The following FAM216A variants were observed in gnomAD, a reference collection of about 807,000 sequenced individuals.
FAM216A encodes the protein protein FAM216A.
A neutral mutation model predicts 37.6 loss-of-function variants in FAM216A; 26 were observed. The observed-to-expected ratio is 0.69, with a 90% CI of 0.51 to 0.96. The LOEUF (loss-of-function observed/expected upper bound fraction) is 0.96, where lower values mean the gene tolerates loss of function less well. FAM216A is among the 40% of genes least tolerant of loss of function. The probability of loss-of-function intolerance (pLI) is 0.00; values close to 1 mark genes in which losing one functional copy is unlikely to be tolerated. For synonymous variants in FAM216A, 110 were observed against 121.7 expected (o/e 0.90, Z 0.64); for missense variants, 326 against 339.3 (o/e 0.96, Z 0.31).
chr12:110,487,836 A>C, intron 5 of FAM216A, 25 bp from the exon 6 acceptor site: 1 of 1,430,888 alleles, frequency 7.0e-7, no homozygotes, highest in South Asian at 1.2e-5. Context: ...GCTGGCTCCA[A>C]CTAAGATACT....
intron 2 of FAM216A, among the ~76,000 whole-genome samples, chr12:110,484,792 G>A (rs1171150243): frequency 1.3e-5 from 2 of 148,180 alleles, no homozygotes; most frequent in Admixed American, 6.8e-5. Flanking sequence ...TCACTCTTTC[G>A]CCCAGGCTGG....
At chr12:110,486,822 T>TAC in intron 5 of FAM216A, 105 bp downstream of exon 5, 1 of 1,010,874 alleles carries the variant, frequency 9.9e-7, no homozygotes, top group Non-Finnish European at 1.5e-6. Flanking sequence ...AGTGGTGTGA[T>TAC]ACAGTTTACT....
At chr12:110,488,434 A>C (rs1304982817) in intron 6 of FAM216A, among the ~76,000 whole-genome samples, 2 of 151,570 alleles carry the variant, frequency 1.3e-5, no homozygotes, top group Non-Finnish European at 2.9e-5. Flanking sequence ...AAAAGAAAAG[A>C]AAAGAAAAAA....
At position 110,486,334 on chromosome 12, in the gene FAM216A, C is replaced by G. The variant is rs2062776144; in HGVS notation, c.316C>G (p.Leu106Val). ...TTATTCTGTCTTTTAGCATCCAGAC[C>G]TCACCACAGGCCAGAAGCGTTACCT... ...MEASFFKHPD[L>V]TTGQKRYLCS... Residue 106 changes from leucine (L) to valine (V), a missense_variant, in exon 4 of 7, where the codon CTC becomes GTC. By Grantham distance (32) the Leu-to-Val change is conservative (BLOSUM62 1). Coordinates refer to ENST00000377673, the MANE Select transcript of FAM216A (RefSeq NM_013300.3). 3 of 1,607,670 alleles carry G rather than the reference C, an allele frequency of 1.9e-6. No individual in the cohort carries two copies. The African/African-American group carries it at 4.0e-5, about 22-fold the overall frequency.
At chr12:110,488,690 A>G (rs1020638587) in intron 6 of FAM216A, among the ~76,000 whole-genome samples, 1 of 152,160 alleles carries the variant, frequency 6.6e-6, no homozygotes, top group Non-Finnish European at 1.5e-5. Context: ...TCCATGGGGA[A>G]TATGTTCCAA....
chr12:110,468,797 C>T (rs1244939620), upstream of FAM216A: 24 of 1,455,558 alleles, frequency 1.6e-5, no homozygotes, highest in Admixed American at 2.4e-5. Flanking sequence ...CGAACGGCTT[C>T]GGAGGGGCGA....
intron 2 of FAM216A, among the ~76,000 whole-genome samples, chr12:110,481,719 A>C (rs1401813587): frequency 1.3e-5 from 2 of 152,154 alleles, no homozygotes; most frequent in East Asian, 3.8e-4. Context: ...AGCTATTGAG[A>C]AATTAAGTGT....
At chr12:110,478,037 T>G (rs1229205534) in intron 2 of FAM216A, among the ~76,000 whole-genome samples, 3 of 152,190 alleles carry the variant, frequency 2.0e-5, no homozygotes, top group Non-Finnish European at 4.4e-5. Flanking sequence ...CATCATTGAT[T>G]CTACATTTTT....
At chr12:110,468,760 C>T, upstream of FAM216A, 2 of 1,479,246 alleles carry the variant, frequency 1.4e-6, no homozygotes, top group African/African-American at 2.8e-5. Context: ...GCCCGCCCCG[C>T]TCTCCCGAAG....
chr12:110,469,795 C>A (rs1005959438), intron 1 of FAM216A, among the ~76,000 whole-genome samples: 1 of 152,150 alleles, frequency 6.6e-6, no homozygotes. Context: ...CGGGGTGAAC[C>A]ATTGCGCCCG....
At chr12:110,478,288 G>C (rs2062726095) in intron 2 of FAM216A, among the ~76,000 whole-genome samples, 1 of 152,044 alleles carries the variant, frequency 6.6e-6, no homozygotes, top group Non-Finnish European at 1.5e-5. Flanking sequence ...AGCACAAAAC[G>C]TTGTACTGTC....
Position 110,490,193 on chromosome 12 carries a change from T to A in FAM216A, c.*56T>A. ...AAAGGTGAGGGTAAGGGGTTGTGAG[T>A]TGTGTCCTGTATGTTTAGGATGGTA... On this transcript the variant is annotated 3_prime_UTR_variant, in exon 7 of 7. Coordinates refer to ENST00000377673, the MANE Select transcript of FAM216A (RefSeq NM_013300.3). 1.2e-6 allele frequency: 1 copy of A among 857,850 alleles called. No homozygotes were observed. Among genetic ancestry groups the A allele is most frequent in the South Asian group, 1.3e-5 (1 of 74,992 alleles). The allele number at this position is 857,850 out of a possible 1,614,324, so 53.1% of individuals were successfully genotyped here. A position where few individuals can be genotyped will look rare whatever the true frequency, so the allele number is the denominator to read the frequency against.
At chr12:110,471,976 A>G (rs1267804249) in intron 1 of FAM216A, among the ~76,000 whole-genome samples, 2 of 152,200 alleles carry the variant, frequency 1.3e-5, no homozygotes, top group African/African-American at 4.8e-5. Flanking sequence ...TCACACCTGT[A>G]ATCCCAGCAC....
intron 2 of FAM216A, among the ~76,000 whole-genome samples, chr12:110,477,388 T>C (rs1196964657): frequency 6.6e-6 from 1 of 152,244 alleles, no homozygotes; most frequent in Non-Finnish European, 1.5e-5. Context: ...AGTCTCGCAC[T>C]GTCTCCTAGG....
At chr12:110,484,426 CAAAAAAAAA>C (rs61648841) in intron 2 of FAM216A, among the ~76,000 whole-genome samples, 8 of 51,258 alleles carry the variant, frequency 1.6e-4, no homozygotes, top group South Asian at 2.3e-3. Context: ...GACTCCGTCT[CAAAAAAAAA>C]AAAAAAAAAA....
At chr12:110,481,999 A>C (rs766013466) in intron 2 of FAM216A, among the ~76,000 whole-genome samples, 32 of 152,208 alleles carry the variant, frequency 2.1e-4, no homozygotes, top group Middle Eastern at 3.2e-3. Context: ...GAAATAACTA[A>C]ATTTAAAGTT....
At chr12:110,485,892 AAC>A (rs1440072588) in intron 3 of FAM216A, among the ~76,000 whole-genome samples, 7 of 152,328 alleles carry the variant, frequency 4.6e-5, no homozygotes, top group South Asian at 2.1e-4. Context: ...CAGAATGTCC[AAC>A]ACAGTCAGTT....
intron 1 of FAM216A, among the ~76,000 whole-genome samples, chr12:110,470,336 G>A (rs2062677537): frequency 1.3e-5 from 2 of 151,956 alleles, no homozygotes. Flanking sequence ...CTGACCTCGT[G>A]ATCCGCCCGC....
At position 110,485,018 on chromosome 12, in the gene FAM216A, T is replaced by A; in HGVS notation, c.185-60T>A. ...CCCGGCCTAAATATCTAGATCTTAA[T>A]AATTCAGTTTGTTGAACTGATCTTT... On this transcript the variant is annotated intron_variant, in intron 2 of 6. Coordinates refer to ENST00000377673, the MANE Select transcript of FAM216A (RefSeq NM_013300.3). 3 of 1,547,500 alleles carry A rather than the reference T, an allele frequency of 1.9e-6. No homozygotes were observed. In the African/African-American group the frequency reaches 4.1e-5, roughly 21 times the overall value.
Sources: gnomAD v4.1 joint callset for allele counts (sites outside exome capture counted in the v4.1 genomes callset) on GRCh38, gnomAD v4.1.1 for gene constraint, MANE v1.5 for transcripts, NCBI Gene and HGNC (gene_info 2026-07-23, HGNC 2026-07-21) for gene names.